Variants in ZNF516 observed in about 807,000 individuals in gnomAD.
The protein encoded by ZNF516 is zinc finger protein 516.
A neutral mutation model predicts 79.7 loss-of-function variants in ZNF516; 19 were observed. The ratio of observed to expected loss-of-function variants is 0.24; its 90% CI spans 0.17 to 0.35. The LOEUF (loss-of-function observed/expected upper bound fraction) is 0.35, where lower values mean the gene tolerates loss of function less well. Among genes scored for constraint, ZNF516 ranks in the 10% least tolerant of loss-of-function variants. The probability of loss-of-function intolerance (pLI) is 1.00; values close to 1 mark genes in which losing one functional copy is unlikely to be tolerated. For missense variants in ZNF516, 1,678 were observed against 1,679.5 expected, an observed-to-expected ratio of 1.00 and a Z score of 0.02; for synonymous variants, 877 against 739.5, an observed-to-expected ratio of 1.19 and a Z score of -3.02.
At chr18:76,405,743 G>A (rs533592314) in intron 3 of ZNF516, among the ~76,000 whole-genome samples, 7 of 152,064 alleles carry the variant, frequency 4.6e-5, no homozygotes, top group Middle Eastern at 3.4e-3. Flanking sequence ...TGACACACGC[G>A]TGATGAATGC....
chr18:76,442,047 G>A lies in ZNF516; in HGVS notation c.1008C>T (p.Val336=). ...TAAACAGGTTCCCGCACTTGGCGCAGACCTCGTAGAGGCTCAGGCCGGCGA... is the reference window on the plus strand; with the variant it reads ...TAAACAGGTTCCCGCACTTGGCGCAAACCTCGTAGAGGCTCAGGCCGGCGA... ...VIVAGLSLYE[V]CAKCGNLFTN... is the part of the protein sequence containing the mutation. The change falls in exon 3 of 7, where the codon GTC becomes GTT. Residue 336 remains valine (V), a synonymous_variant. Transcript: ENST00000443185. 2 of 1,614,034 alleles carry A rather than the reference G, an allele frequency of 1.2e-6. No homozygotes were observed. Among genetic ancestry groups the A allele is most frequent in the South Asian group, 2.2e-5 (2 of 91,092 alleles).
chr18:76,441,876 C>T lies in ZNF516; in HGVS notation c.1179G>A (p.Ala393=), dbSNP rs1289149215. Residue 393 remains alanine, a synonymous_variant, in exon 3 of 7, where the codon GCG becomes GCA. Coordinates refer to ENST00000443185, the MANE Select transcript of ZNF516 (RefSeq NM_014643.4). ...FLQCLNLRPS[A]AGDSCPGTQA... is the part of the protein sequence containing the mutation. Reference sequence around the variant, plus strand: ...GCGTGCCAGGGCACGAGTCGCCGGCCGCCGACGGCCTCAGGTTCAGGCACT... The same window carrying T: ...GCGTGCCAGGGCACGAGTCGCCGGCTGCCGACGGCCTCAGGTTCAGGCACT... The T allele has an allele frequency of 6.3e-7, 1 of 1,586,744 alleles. No individual in the cohort carries two copies. The highest frequency in any genetic ancestry group is 1.7e-5 in the Admixed American group (1 of 57,708).
chr18:76,365,840 A>G (rs1172454874), intron 6 of ZNF516, among the ~76,000 whole-genome samples: 1 of 152,174 alleles, frequency 6.6e-6, no homozygotes, highest in Non-Finnish European at 1.5e-5. Flanking sequence ...TCGAGGCAAA[A>G]GAGTGAGATG....
intron 3 of ZNF516, among the ~76,000 whole-genome samples, chr18:76,416,598 C>T (rs1221133305): frequency 3.3e-5 from 5 of 152,132 alleles, no homozygotes; most frequent in Non-Finnish European, 7.4e-5. Flanking sequence ...AGCCAGAAAC[C>T]AATAGTTCCT....
chr18:76,496,355 T>C (rs1463727951), upstream of ZNF516: 4 of 1,289,652 alleles, frequency 3.1e-6, no homozygotes, highest in South Asian at 4.9e-5. Flanking sequence ...ACGCCCAACG[T>C]GGCTCCGCGT....
chr18:76,491,177 G>C (rs1371714857), intron 1 of ZNF516: 10 of 902,052 alleles, frequency 1.1e-5, no homozygotes, highest in South Asian at 5.1e-5. Context: ...GCCGCGCCTC[G>C]GCCCCCGGAG....
chr18:76,376,053 G>A (rs1265633869), intron 4 of ZNF516, among the ~76,000 whole-genome samples: 4 of 152,228 alleles, frequency 2.6e-5, no homozygotes, highest in Admixed American at 6.5e-5. Context: ...TGCAGAACAC[G>A]GATGCTGGGT....
chr18:76,422,152 G>A (rs553550837), intron 3 of ZNF516, among the ~76,000 whole-genome samples: 1 of 152,320 alleles, frequency 6.6e-6, no homozygotes, highest in Admixed American at 6.5e-5. Context: ...AATTCAGGAA[G>A]ACACTACCAT....
At chr18:76,436,510 C>T (rs1191573077) in intron 3 of ZNF516, among the ~76,000 whole-genome samples, 6 of 152,144 alleles carry the variant, frequency 3.9e-5, no homozygotes, top group Non-Finnish European at 7.3e-5. Context: ...GAGCTTTGCC[C>T]GTGTTGCGTC....
At chr18:76,366,525 C>G (rs994952075) in intron 6 of ZNF516, among the ~76,000 whole-genome samples, 10 of 152,192 alleles carry the variant, frequency 6.6e-5, no homozygotes, top group Admixed American at 2.6e-4. Flanking sequence ...CTGGCAGGTT[C>G]CGACAAAGCC....
At chr18:76,466,325 C>A (rs1913465266) in intron 1 of ZNF516, among the ~76,000 whole-genome samples, 1 of 152,162 alleles carries the variant, frequency 6.6e-6, no homozygotes, top group Admixed American at 6.5e-5. Flanking sequence ...AGACTCCGTT[C>A]CCTTGGGAGT....
At chr18:76,489,374 TC>T (rs1395756427) in intron 1 of ZNF516, among the ~76,000 whole-genome samples, 2 of 152,222 alleles carry the variant, frequency 1.3e-5, no homozygotes, top group Non-Finnish European at 2.9e-5. Flanking sequence ...TACAGAAGTC[TC>T]CTTTCCTTTT....
At chr18:76,436,797 G>A (rs2075744241) in intron 3 of ZNF516, among the ~76,000 whole-genome samples, 1 of 152,072 alleles carries the variant, frequency 6.6e-6, no homozygotes, top group African/African-American at 2.4e-5. Context: ...GCCAGGTGCA[G>A]TGGCTCACAC....
chr18:76,459,181 C>T lies in ZNF516; in HGVS notation c.-158+3847G>A, dbSNP rs1313914748. Among the ~76,000 whole-genome samples the T allele has an allele frequency of 2.6e-5, 4 of 152,218 alleles. No individual in the cohort carries two copies. Among genetic ancestry groups the T allele is most frequent in the African/African-American group, 4.8e-5 (2 of 41,452 alleles). On this transcript the variant is annotated intron_variant, in intron 2 of 6. Coordinates refer to ENST00000443185, the MANE Select transcript of ZNF516 (RefSeq NM_014643.4). The surrounding 1 kb of genome is among the most constrained non-coding windows in gnomAD (Gnocchi z 5.0). ...GCCAGACGCTGCAGCAGTAACGGGGCGCCGGGCCCACCTGCTGCCCCTCTC... is the reference window on the plus strand; with the variant it reads ...GCCAGACGCTGCAGCAGTAACGGGGTGCCGGGCCCACCTGCTGCCCCTCTC...
In ZNF516 at chr18:76,492,302, C is replaced by T. The variant is rs1379428225; in HGVS notation, c.-272+2842G>A. ...CGTACTACGCGAGCCACACACATCA[C>T]TACCGATATTCCTGAGAAAGTCGGT... On this transcript the variant is annotated intron_variant, in intron 1 of 6. Coordinates refer to ENST00000443185, the MANE Select transcript of ZNF516 (RefSeq NM_014643.4). The T allele has an allele frequency of 3.0e-6, 3 of 985,366 alleles. No homozygotes were observed. The African/African-American group carries it at 5.2e-5, about 17-fold the overall frequency. 61.0% of individuals were successfully genotyped at this position (985,366 alleles called of 1,614,324 possible). A position where few individuals can be genotyped will look rare whatever the true frequency, so the allele number is the denominator to read the frequency against.
rs533734360 is a variant in ZNF516 at position 76,446,593 on chromosome 18, C to T, written c.-157-3382G>A. On this transcript the variant is annotated intron_variant, in intron 2 of 6. Transcript: ENST00000443185. ...ACCCCCGCCCTAGCTAGAGCCTGAACCCTGGCCCTCAGGCACCCGGTGACT... is the reference window on the plus strand; with the variant it reads ...ACCCCCGCCCTAGCTAGAGCCTGAATCCTGGCCCTCAGGCACCCGGTGACT... 2.0e-5 allele frequency among the ~76,000 whole-genome samples: 3 copies of T among 152,348 alleles called. No individual in the cohort carries two copies. In the East Asian group the frequency reaches 5.8e-4, roughly 29 times the overall value.
rs1374101146 is a variant in ZNF516, at chr18:76,362,326, T to TGCCTTCAGTTTCCACTCCAGC, written c.*151_*171dup. ...TGAACGTTTAACAAGGAGAGGCATCTGCCTTCAGTTTCCACTCCAGCGCAG... is the reference window on the plus strand; with the variant it reads ...TGAACGTTTAACAAGGAGAGGCATCTGCCTTCAGTTTCCACTCCAGCGCCTTCAGTTTCCACTCCAGCGCAG... On this transcript the variant is annotated 3_prime_UTR_variant, in exon 7 of 7. Transcript: ENST00000443185. 13 of 557,822 alleles carry TGCCTTCAGTTTCCACTCCAGC rather than the reference T, an allele frequency of 2.3e-5. No homozygotes were observed. Among genetic ancestry groups the TGCCTTCAGTTTCCACTCCAGC allele is most frequent in the African/African-American group, 2.2e-4 (12 of 53,446 alleles). 34.6% of individuals were successfully genotyped at this position (557,822 alleles called of 1,614,324 possible). A position where few individuals can be genotyped will look rare whatever the true frequency, so the allele number is the denominator to read the frequency against.
chr18:76,491,720 A>G (rs1402968188), intron 1 of ZNF516: 1 of 41,490 alleles, frequency 2.4e-5, no homozygotes, highest in Non-Finnish European at 5.1e-5. Context: ...CCCCCAGCCC[A>G]GAGGGCCGCC....
In ZNF516 at chr18:76,441,648, A is replaced by G. The variant is rs1157331524; in HGVS notation, c.1407T>C (p.Asp469=). 2 of 1,535,272 alleles carry G rather than the reference A, an allele frequency of 1.3e-6. No individual in the cohort carries two copies. Among genetic ancestry groups the G allele is most frequent in the South Asian group, 1.2e-5 (1 of 83,188 alleles). Residue 469 remains aspartate (D), a synonymous_variant, in exon 3 of 7, where the codon GAT becomes GAC. Transcript: ENST00000443185. ...VSQEKRKREQ[D]APAAQGPPRK... is the part of the protein sequence containing the mutation. ...GCGGGGGCCCCTGCGCGGCTGGTGC[A>G]TCCTGCTCACGCTTGCGCTTCTCCT... is the stretch of plus-strand genomic sequence containing the variant.
Sources: allele counts gnomAD v4.1 joint callset (sites outside exome capture counted in the v4.1 genomes callset), GRCh38; gene constraint gnomAD v4.1.1; non-coding constraint Gnocchi (gnomAD v3.1); transcripts MANE v1.5; gene names NCBI Gene and HGNC (gene_info 2026-07-23, HGNC 2026-07-21).